Variants in TTLL2 observed in about 807,000 individuals in gnomAD.
TTLL2 encodes the protein probable tubulin polyglutamylase TTLL2.
A neutral mutation model predicts 7.5 loss-of-function variants in TTLL2; 10 were observed. That is an observed-to-expected ratio of 1.33 (90% CI 0.82 to 2.25). The LOEUF is 2.25. Ranked by LOEUF, TTLL2 falls within the 30% of genes most tolerant of loss-of-function variation. The probability of loss-of-function intolerance (pLI) is 0.00; values close to 1 mark genes in which losing one functional copy is unlikely to be tolerated. For synonymous variants in TTLL2, 284 were observed against 280.3 expected (o/e 1.01, Z -0.13); for missense variants, 733 against 735.7 (o/e 1.00, Z 0.04).
In TTLL2 at chr6:167,325,142, C is replaced by A; in HGVS notation, c.-32C>A. ...TGGCGCTGCAGCTGCTGCACAGAGA[C>A]CCACAGAGGCCACCCTCGGAACCAG... is the stretch of plus-strand genomic sequence containing the variant. On this transcript the variant is annotated 5_prime_UTR_variant, in exon 1 of 3. Coordinates refer to ENST00000239587, the MANE Select transcript of TTLL2 (RefSeq NM_031949.5). 3.2e-6 allele frequency: 5 copies of A among 1,564,722 alleles called. No individual in the cohort carries two copies. The highest frequency in any genetic ancestry group is 3.5e-6 in the Non-Finnish European group (4 of 1,156,146).
chr6:167,336,627 G>A (rs1384846354), intron 1 of TTLL2, among the ~76,000 whole-genome samples: 2 of 152,166 alleles, frequency 1.3e-5, no homozygotes, highest in Middle Eastern at 6.8e-3. Context: ...CCATAGGGAC[G>A]AGAGTCCCTC....
intron 2 of TTLL2, among the ~76,000 whole-genome samples, chr6:167,339,228 C>T (rs1779037101): frequency 6.6e-6 from 1 of 152,000 alleles, no homozygotes; most frequent in African/African-American, 2.4e-5. Flanking sequence ...ATCAAAATTG[C>T]CTTAGCTTGA....
At chr6:167,330,144 G>C (rs1018050326) in intron 1 of TTLL2, among the ~76,000 whole-genome samples, 1 of 152,160 alleles carries the variant, frequency 6.6e-6, no homozygotes, top group African/African-American at 2.4e-5. Flanking sequence ...CCTGGCTTCC[G>C]ACCTAGAAAA....
intron 1 of TTLL2, among the ~76,000 whole-genome samples, chr6:167,331,964 A>C (rs1190273609): frequency 6.6e-6 from 1 of 152,210 alleles, no homozygotes; most frequent in African/African-American, 2.4e-5. Flanking sequence ...TGATTCGTGA[A>C]TCATTCGTTG....
At chr6:167,334,296 T>C (rs1289046293) in intron 1 of TTLL2, among the ~76,000 whole-genome samples, 1 of 148,882 alleles carries the variant, frequency 6.7e-6, no homozygotes. Context: ...GATTGCACTG[T>C]GGTCTGAGAG....
rs9457304 is a variant in TTLL2 at position 167,341,233 on chromosome 6, G to A, written c.1333G>A (p.Gly445Ser). The stretch of plus-strand genomic sequence containing the variant: ...CATCGACGCTGCAAAAAGTGACAGA[G>A]GTGGGCTTGATGCTCCTGACTGTCT... ...SNIDAAKSDR[G>S]GLDAPDCLPY... is the part of the protein sequence containing the mutation. The change falls in exon 3 of 3, where the codon GGT becomes AGT. Residue 445 changes from glycine (G) to serine (S), a missense_variant. Transcript: ENST00000239587. 125,040 of 1,613,456 alleles carry A rather than the reference G, an allele frequency of 0.077. 5,306 individuals are homozygous for A. Among genetic ancestry groups the A allele is most frequent in the African/African-American group, 0.14 (10,129 of 74,704 alleles).
intron 1 of TTLL2, among the ~76,000 whole-genome samples, chr6:167,329,583 A>G (rs1391065886): frequency 6.6e-6 from 1 of 152,156 alleles, no homozygotes; most frequent in Non-Finnish European, 1.5e-5. Context: ...ATATATTTGT[A>G]TATTTGTATA....
In TTLL2 at chr6:167,341,636, T is replaced by A. The variant is rs746398110; in HGVS notation, c.1736T>A (p.Ile579Lys). The A allele has an allele frequency of 5.0e-6, 8 of 1,613,778 alleles. No individual in the cohort carries two copies. Among genetic ancestry groups the A allele is most frequent in the Non-Finnish European group, 6.8e-6 (8 of 1,179,904 alleles). ...ASRNGLNVKR[I>K]IQELQKLMNK... ...AGGAATGGATTAAATGTCAAAAGAA[T>A]AATCCAAGAGCTCCAGAAACTAATG... The change falls in exon 3 of 3, where the codon ATA (isoleucine) becomes AAA (lysine). Residue 579 changes from isoleucine (I) to lysine (K), a missense_variant. Physicochemically the swap from Ile to Lys is moderately radical, Grantham distance 102. Coordinates refer to ENST00000239587, the MANE Select transcript of TTLL2 (RefSeq NM_031949.5).
chr6:167,336,217 C>T (rs1192318194), intron 1 of TTLL2, among the ~76,000 whole-genome samples: 5 of 151,986 alleles, frequency 3.3e-5, no homozygotes, highest in African/African-American at 9.7e-5. Context: ...TATGAGGAGC[C>T]TCCATGCTGC....
chr6:167,327,492 C>T lies in TTLL2; in HGVS notation c.47+2272C>T, dbSNP rs1583106583. ...TTCCCAGCTTGACTTTTCCCTTTGG[C>T]TTAGTGGGTTTGTGGTCTTGAGATT... On this transcript the variant is annotated intron_variant, in intron 1 of 2. Coordinates refer to ENST00000239587, the MANE Select transcript of TTLL2 (RefSeq NM_031949.5). 2.0e-5 allele frequency among the ~76,000 whole-genome samples: 3 copies of T among 152,160 alleles called. No homozygotes were observed. The East Asian group carries it at 5.8e-4, about 29-fold the overall frequency.
rs373917070 is a variant in TTLL2, at chr6:167,341,481, C to T, written c.1581C>T (p.Leu527=). Residue 527 remains leucine (L), a synonymous_variant, in exon 3 of 3, where the codon CTC becomes CTT. Coordinates refer to ENST00000239587, the MANE Select transcript of TTLL2 (RefSeq NM_031949.5). ...PHKTLMPYAS[L]FQSHSCKTKT... ...AGACACTCATGCCCTACGCGTCCCT[C>T]TTCCAGTCGCACTCCTGCAAGACCA... The T allele has an allele frequency of 1.2e-6, 2 of 1,614,020 alleles. No homozygotes were observed. Among genetic ancestry groups the T allele is most frequent in the East Asian group, 2.2e-5 (1 of 44,874 alleles).
intron 1 of TTLL2, among the ~76,000 whole-genome samples, chr6:167,326,346 G>A (rs1778847861): frequency 6.6e-6 from 1 of 152,056 alleles, no homozygotes; most frequent in Admixed American, 6.6e-5. Context: ...CATTTAGGTA[G>A]GAAGTTTTTT....
At chr6:167,330,501 C>T (rs1658941645) in intron 1 of TTLL2, among the ~76,000 whole-genome samples, 1 of 151,786 alleles carries the variant, frequency 6.6e-6, no homozygotes, top group Admixed American at 6.6e-5. Context: ...GCAGAGGTTG[C>T]AGTGAGCCAA....
At position 167,341,738 on chromosome 6, in the gene TTLL2, T is replaced by A. The variant is rs1046019626; in HGVS notation, c.*59T>A. The A allele has an allele frequency of 4.0e-6, 6 of 1,504,508 alleles. No homozygotes were observed. The highest frequency in any genetic ancestry group is 4.4e-6 in the Non-Finnish European group (5 of 1,134,690). 93.2% of individuals were successfully genotyped at this position (1,504,508 alleles called of 1,614,324 possible). A position where few individuals can be genotyped will look rare whatever the true frequency, so the allele number is the denominator to read the frequency against. On this transcript the variant is annotated 3_prime_UTR_variant, in exon 3 of 3. Coordinates refer to ENST00000239587, the MANE Select transcript of TTLL2 (RefSeq NM_031949.5). ...GGATTTTTAAAAACCAAGGATCCTG[T>A]CCTAGAGAAAGCAATAGTTCAAGTC...
At chr6:167,339,244 T>C (rs1779037283) in intron 2 of TTLL2, among the ~76,000 whole-genome samples, 1 of 152,180 alleles carries the variant, frequency 6.6e-6, no homozygotes, top group Non-Finnish European at 1.5e-5. Context: ...CTTGAAAATT[T>C]TGATGAGCAC....
chr6:167,329,429 G>A (rs1050979495), intron 1 of TTLL2, among the ~76,000 whole-genome samples: 2 of 152,068 alleles, frequency 1.3e-5, no homozygotes, highest in Non-Finnish European at 2.9e-5. Context: ...TTGTAGGCCC[G>A]GAGAGCGGTT....
In TTLL2 at chr6:167,325,239, A is replaced by ACGT. The variant is rs1410827091; in HGVS notation, c.47+20_47+22dup. On this transcript the variant is annotated intron_variant, in intron 1 of 2. Transcript: ENST00000239587. Reference sequence around the variant, plus strand: ...CGCTGGGGTAAGCGTAGGAGGCGACACGTAGGATGGGAGGGTGGCCCCGAT... The same window carrying ACGT: ...CGCTGGGGTAAGCGTAGGAGGCGACACGTCGTAGGATGGGAGGGTGGCCCCGAT... 1 of 1,543,498 alleles carries ACGT rather than the reference A, an allele frequency of 6.5e-7. No individual in the cohort carries two copies. The highest frequency in any genetic ancestry group is 8.8e-7 in the Non-Finnish European group (1 of 1,142,546).
intron 1 of TTLL2, among the ~76,000 whole-genome samples, chr6:167,334,151 C>T (rs1289947213): frequency 1.3e-4 from 18 of 141,868 alleles, no homozygotes; most frequent in Non-Finnish European, 2.0e-4. Flanking sequence ...TGTCTTTGTT[C>T]TCGTTGGTTT....
intron 1 of TTLL2, among the ~76,000 whole-genome samples, chr6:167,330,115 T>A (rs1778900142): frequency 6.6e-6 from 1 of 152,086 alleles, no homozygotes; most frequent in South Asian, 2.1e-4. Context: ...GCCAAGAGGG[T>A]TAAGTTAGCC....
Sources: allele counts gnomAD v4.1 joint callset (sites outside exome capture counted in the v4.1 genomes callset), GRCh38; gene constraint gnomAD v4.1.1; transcripts MANE v1.5; gene names NCBI Gene and HGNC (gene_info 2026-07-23, HGNC 2026-07-21).